PRKAR2B: variants seen among roughly 807,000 people sequenced by gnomAD.
PRKAR2B encodes the protein cAMP-dependent protein kinase type II-beta regulatory subunit.
A neutral mutation model predicts 49.9 loss-of-function variants in PRKAR2B; 14 were observed. The observed-to-expected ratio is 0.28, with a 90% confidence interval of 0.19 to 0.44. The LOEUF (loss-of-function observed/expected upper bound fraction) is 0.44. Among genes scored for constraint, PRKAR2B ranks in the 20% least tolerant of loss-of-function variants. The pLI, the probability that PRKAR2B is intolerant of heterozygous loss-of-function variation, is 1.00. For synonymous variants in PRKAR2B, 196 were observed against 197.7 expected (o/e 0.99, Z 0.07); for missense variants, 393 against 537.9 (o/e 0.73, Z 2.67).
intron 2 of PRKAR2B, among the ~76,000 whole-genome samples, chr7:107,095,526 C>G (rs1359651294): frequency 2.6e-5 from 4 of 152,214 alleles, no homozygotes; most frequent in African/African-American, 9.7e-5. Flanking sequence ...CTGGCCAGAA[C>G]TTCCAACACT....
intron 2 of PRKAR2B, among the ~76,000 whole-genome samples, chr7:107,121,044 ATTAT>A (rs894681431): frequency 3.3e-5 from 5 of 150,938 alleles, no homozygotes; most frequent in African/African-American, 1.2e-4. Context: ...AAAATTTTAA[ATTAT>A]TTATTTAAAT....
At chr7:107,084,374 T>C (rs1019366366) in intron 2 of PRKAR2B, among the ~76,000 whole-genome samples, 13 of 152,176 alleles carry the variant, frequency 8.5e-5, no homozygotes, top group Non-Finnish European at 1.6e-4. Flanking sequence ...TTAAATGTTA[T>C]GTTATTATCT....
At chr7:107,088,885 C>T (rs1028818486) in intron 2 of PRKAR2B, among the ~76,000 whole-genome samples, 5 of 152,152 alleles carry the variant, frequency 3.3e-5, no homozygotes, top group African/African-American at 1.2e-4. Context: ...CAGGCATGAG[C>T]CACTGCACCC....
At chr7:107,059,061 G>A (rs1245468315) in intron 1 of PRKAR2B, among the ~76,000 whole-genome samples, 2 of 152,082 alleles carry the variant, frequency 1.3e-5, no homozygotes, top group Non-Finnish European at 2.9e-5. Flanking sequence ...ACCAAGACGG[G>A]CAGATCACCT....
intron 2 of PRKAR2B, among the ~76,000 whole-genome samples, chr7:107,099,126 A>G (rs948575045): frequency 6.6e-6 from 1 of 152,202 alleles, no homozygotes; most frequent in Non-Finnish European, 1.5e-5. Context: ...TGGAGTCTAC[A>G]GAGGCAGGCA....
intron 5 of PRKAR2B, among the ~76,000 whole-genome samples, chr7:107,144,034 A>T (rs1282476795): frequency 6.6e-6 from 1 of 151,786 alleles, no homozygotes; most frequent in East Asian, 1.9e-4. Flanking sequence ...CGTGAATGAC[A>T]TTGAAAACCA....
At chr7:107,104,197 A>C (rs1030357415) in intron 2 of PRKAR2B, among the ~76,000 whole-genome samples, 10 of 151,942 alleles carry the variant, frequency 6.6e-5, no homozygotes, top group African/African-American at 2.4e-4. Flanking sequence ...ATGCCCGGCA[A>C]ATTTTTTTTT....
At chr7:107,095,485 A>T (rs1262446350) in intron 2 of PRKAR2B, among the ~76,000 whole-genome samples, 1 of 152,148 alleles carries the variant, frequency 6.6e-6, no homozygotes, top group African/African-American at 2.4e-5. Flanking sequence ...CTAATTGAAT[A>T]CCCTTTATTT....
At chr7:107,058,111 A>G (rs1793950488) in intron 1 of PRKAR2B, among the ~76,000 whole-genome samples, 1 of 152,070 alleles carries the variant, frequency 6.6e-6, no homozygotes, top group Non-Finnish European at 1.5e-5. Context: ...TTTTCATACC[A>G]TCCTTTCCCC....
chr7:107,071,744 C>G (rs1794281076), intron 2 of PRKAR2B, among the ~76,000 whole-genome samples: 1 of 152,142 alleles, frequency 6.6e-6, no homozygotes, highest in African/African-American at 2.4e-5. Context: ...TATTTCTGGG[C>G]ACGTTCCATT....
rs569525777 is a variant in PRKAR2B, at chr7:107,115,730, A to T, written c.344-6222A>T. The stretch of plus-strand genomic sequence containing the variant: ...GGGGCCATCAAATGGTTTTTTTGAT[A>T]GTCATCAGTGGTATTCACAAAATTC... On this transcript the variant is annotated intron_variant, in intron 2 of 10. Transcript: ENST00000265717. Among the ~76,000 whole-genome samples the T allele has an allele frequency of 2.0e-3, 311 of 152,322 alleles. 2 individuals are homozygous for T. Among genetic ancestry groups the T allele is most frequent in the African/African-American group, 7.0e-3 (293 of 41,572 alleles).
At chr7:107,123,686 C>CA (rs1356004650) in intron 3 of PRKAR2B, among the ~76,000 whole-genome samples, 1 of 152,056 alleles carries the variant, frequency 6.6e-6, no homozygotes, top group African/African-American at 2.4e-5. Context: ...GGGCCAGGGT[C>CA]AAAAAGTCCA....
chr7:107,084,156 C>T (rs1357049136), intron 2 of PRKAR2B, among the ~76,000 whole-genome samples: 1 of 152,120 alleles, frequency 6.6e-6, no homozygotes, highest in Non-Finnish European at 1.5e-5. Context: ...ATTTGTAGTA[C>T]CAGCATTGTT....
At chr7:107,091,022 T>C (rs1794724265) in intron 2 of PRKAR2B, among the ~76,000 whole-genome samples, 1 of 152,216 alleles carries the variant, frequency 6.6e-6, no homozygotes, top group African/African-American at 2.4e-5. Flanking sequence ...TTTCATCTTA[T>C]GAACTGTTTT....
At chr7:107,057,478 A>G (rs1166477296) in intron 1 of PRKAR2B, among the ~76,000 whole-genome samples, 1 of 152,172 alleles carries the variant, frequency 6.6e-6, no homozygotes, top group Non-Finnish European at 1.5e-5. Flanking sequence ...AGCAAAAATA[A>G]ACCAGATTGC....
intron 2 of PRKAR2B, among the ~76,000 whole-genome samples, chr7:107,099,240 C>G (rs1001147951): frequency 1.3e-5 from 2 of 152,214 alleles, no homozygotes; most frequent in Non-Finnish European, 2.9e-5. Flanking sequence ...CCTAGCCTCG[C>G]TGCCGCCTTG....
chr7:107,057,325 G>T (rs995710716), intron 1 of PRKAR2B, among the ~76,000 whole-genome samples: 1 of 150,872 alleles, frequency 6.6e-6, no homozygotes, highest in African/African-American at 2.4e-5. Flanking sequence ...GTGTTCTCTC[G>T]TTCCTCAGTT....
intron 4 of PRKAR2B, among the ~76,000 whole-genome samples, 160 bp from the exon 5 acceptor site, chr7:107,140,687 G>A (rs570355746): frequency 1.2e-4 from 18 of 152,196 alleles, no homozygotes; most frequent in Admixed American, 7.9e-4. Context: ...TTATTTGTAT[G>A]TGGTAAGAAA....
chr7:107,142,224 G>A (rs1795802440), intron 5 of PRKAR2B, among the ~76,000 whole-genome samples: 1 of 152,052 alleles, frequency 6.6e-6, no homozygotes, highest in South Asian at 2.1e-4. Context: ...CTCTGTGGGT[G>A]GTATCTTTCA....
Sources: allele counts gnomAD v4.1 joint callset (sites outside exome capture counted in the v4.1 genomes callset), GRCh38; gene constraint gnomAD v4.1.1; transcripts MANE v1.5; gene names NCBI Gene and HGNC (gene_info 2026-07-23, HGNC 2026-07-21).